The following ITIH5 variants were observed in gnomAD, a reference collection of about 807,000 sequenced individuals.
The protein encoded by ITIH5 is inter-alpha-trypsin inhibitor heavy chain H5.
ITIH5 carries 65 observed loss-of-function variants against 77.5 expected under a neutral mutation model. That is an observed-to-expected ratio of 0.84 (90% CI 0.69 to 1.03). The LOEUF is 1.03. ITIH5 is among the 50% of genes least tolerant of loss of function. The probability of loss-of-function intolerance (pLI) is 0.00; values close to 1 mark genes in which losing one functional copy is unlikely to be tolerated. For synonymous variants in ITIH5, 525 were observed against 494.3 expected (o/e 1.06, Z -0.82); for missense variants, 1,208 against 1,213.1 (o/e 1.00, Z 0.06).
chr10:7,609,153 A>T (rs1401801636), intron 7 of ITIH5, among the ~76,000 whole-genome samples: 1 of 152,214 alleles, frequency 6.6e-6, no homozygotes, highest in Non-Finnish European at 1.5e-5. Context: ...TCCCATGCAT[A>T]AAATAGGGAG....
chr10:7,591,726 A>G (rs1414903813), intron 7 of ITIH5, among the ~76,000 whole-genome samples: 1 of 151,746 alleles, frequency 6.6e-6, no homozygotes, highest in Non-Finnish European at 1.5e-5. Context: ...AGCCCTGCCC[A>G]CCATTCCCCA....
rs190782590 is a variant in ITIH5, at chr10:7,623,526, G to T, written c.653-6244C>A. Among the ~76,000 whole-genome samples, 401 of 152,080 alleles carry T rather than the reference G, an allele frequency of 2.6e-3. 1 individual carries two copies. Among genetic ancestry groups the T allele is most frequent in the African/African-American group, 8.9e-3 (371 of 41,512 alleles). ...TTTGGTTAAATACCTTCATAAGGCC[G>T]GGCGTGGTGGCTCACGCCTGTAATC... On this transcript the variant is annotated intron_variant, in intron 5 of 13. Coordinates refer to ENST00000397146, the MANE Select transcript of ITIH5 (RefSeq NM_030569.7).
At chr10:7,615,952 G>T in intron 7 of ITIH5, 30 bp downstream of exon 7, 1 of 1,312,286 alleles carries the variant, frequency 7.6e-7, no homozygotes, top group South Asian at 1.2e-5. Flanking sequence ...AAGCGAGAGA[G>T]GAATAAATGG....
At chr10:7,621,800 C>T (rs1171615177) in intron 5 of ITIH5, 1 of 152,132 alleles carries the variant, frequency 6.6e-6, no homozygotes, top group Non-Finnish European at 1.5e-5. Context: ...TGAATGGGGG[C>T]TCACCCTGCT....
chr10:7,576,205 T>C (rs1338084139), intron 10 of ITIH5, among the ~76,000 whole-genome samples: 1 of 152,136 alleles, frequency 6.6e-6, no homozygotes, highest in Non-Finnish European at 1.5e-5. Flanking sequence ...TTTTTTTTCT[T>C]TTGTAGAGAC....
In ITIH5 at chr10:7,597,044, C is replaced by CAAAAAAA. The variant is rs71383924; in HGVS notation, c.940-10982_940-10976dup. 2.8e-3 allele frequency among the ~76,000 whole-genome samples: 104 copies of CAAAAAAA among 36,894 alleles called. 7 individuals are homozygous for CAAAAAAA. Among genetic ancestry groups the CAAAAAAA allele is most frequent in the Non-Finnish European group, 4.5e-3 (71 of 15,932 alleles). The allele number at this position is 36,894 out of a possible 152,430, so 24.2% of individuals were successfully genotyped here. A position where few individuals can be genotyped will look rare whatever the true frequency, so the allele number is the denominator to read the frequency against. On this transcript the variant is annotated intron_variant, in intron 7 of 13. Coordinates refer to ENST00000397146, the MANE Select transcript of ITIH5 (RefSeq NM_030569.7). ...CTGGGTGCAGAGTGAGTCTCCAACT[C>CAAAAAAA]AAAAAAAAAAAAAAAAAAAATTCCA...
chr10:7,626,675 G>A (rs915333190), intron 5 of ITIH5, among the ~76,000 whole-genome samples: 5 of 152,178 alleles, frequency 3.3e-5, no homozygotes, highest in Admixed American at 1.3e-4. Context: ...GCCTGGTTAC[G>A]TTTGAATTTC....
Position 7,617,206 on chromosome 10 carries a change from T to TA in ITIH5, c.728dup (p.Val244SerfsTer18). The TA allele has an allele frequency of 6.2e-7, 1 of 1,604,168 alleles. No homozygotes were observed. The highest frequency in any genetic ancestry group is 1.1e-5 in the South Asian group (1 of 88,918). ...TCTGGGCAATCCTGGCTTGTTGTAC[T>TA]ACAGTAGGTTTAAAAATTATGTTGG... On this transcript the variant is annotated frameshift_variant, in exon 6 of 14. Transcript: ENST00000397146. LOFTEE classifies it high-confidence loss of function.
rs1832148554 is a variant in ITIH5, at chr10:7,566,055, A to C, written c.2502T>G (p.Leu834=). Residue 834 remains leucine, a synonymous_variant, in exon 13 of 14, where the codon CTT becomes CTG. Coordinates refer to ENST00000397146, the MANE Select transcript of ITIH5 (RefSeq NM_030569.7). ...LGFYIANSEG[L]SSNCHGLLGQ... is the part of the protein sequence containing the mutation. Reference sequence around the variant, plus strand: ...CCAGCAGTCCGTGGCAGTTGCTGGAAAGGCCCTCGCTGTTGGCAATGTAGA... The same window carrying C: ...CCAGCAGTCCGTGGCAGTTGCTGGACAGGCCCTCGCTGTTGGCAATGTAGA... 1.2e-6 allele frequency: 2 copies of C among 1,614,064 alleles called. No individual in the cohort carries two copies. The highest frequency in any genetic ancestry group is 1.7e-6 in the Non-Finnish European group (2 of 1,179,988).
chr10:7,657,664 A>C (rs1488942848), intron 1 of ITIH5, among the ~76,000 whole-genome samples: 2 of 152,228 alleles, frequency 1.3e-5, no homozygotes, highest in African/African-American at 4.8e-5. Flanking sequence ...CATTCATTTT[A>C]CTGGACTTCG....
intron 8 of ITIH5, 26 bp downstream of exon 8, chr10:7,585,875 A>C (rs753310378): frequency 1.9e-6 from 3 of 1,557,996 alleles, no homozygotes; most frequent in Non-Finnish European, 2.6e-6. Context: ...AGCCAAGCCA[A>C]TGTGAAAAGA....
At chr10:7,590,706 T>C (rs1832775759) in intron 7 of ITIH5, among the ~76,000 whole-genome samples, 1 of 152,210 alleles carries the variant, frequency 6.6e-6, no homozygotes, top group Non-Finnish European at 1.5e-5. Context: ...GGGAAGCTCA[T>C]TATCCCCACG....
At chr10:7,596,368 G>C (rs759688053) in intron 7 of ITIH5, among the ~76,000 whole-genome samples, 4 of 152,182 alleles carry the variant, frequency 2.6e-5, no homozygotes, top group Non-Finnish European at 5.9e-5. Flanking sequence ...CCTCAGAGGG[G>C]AAGTCAAGGG....
intron 13 of ITIH5, among the ~76,000 whole-genome samples, chr10:7,565,727 TATAG>T (rs1264726835): frequency 1.4e-4 from 21 of 148,994 alleles, no homozygotes; most frequent in African/African-American, 4.9e-4. Flanking sequence ...TATGTATTTA[TATAG>T]AGAGACTATA....
intron 7 of ITIH5, among the ~76,000 whole-genome samples, chr10:7,600,129 T>G (rs1388401294): frequency 6.6e-6 from 1 of 152,182 alleles, no homozygotes; most frequent in Admixed American, 6.5e-5. Context: ...TCACATCTCT[T>G]CCTACTCTGT....
rs530841613 is a variant in ITIH5 at position 7,567,571 on chromosome 10, G to A, written c.2150-1164C>T. The stretch of plus-strand genomic sequence containing the variant: ...TTCTCATTGTTCAATTCCCACCTAT[G>A]AGTGAGAACATGCGGTGTTTGGTTT... On this transcript the variant is annotated intron_variant, in intron 12 of 13. Transcript: ENST00000397146. 3.9e-4 allele frequency among the ~76,000 whole-genome samples: 59 copies of A among 150,780 alleles called. No homozygotes were observed. The Middle Eastern group carries it at 0.01, about 26-fold the overall frequency.
At chr10:7,644,941 TATATATATATCA>T (rs1564278584) in intron 2 of ITIH5, among the ~76,000 whole-genome samples, 217 of 12,158 alleles carry the variant, frequency 0.018, 3 homozygotes, top group African/African-American at 0.043. Flanking sequence ...ATATATCACA[TATATATATATCA>T]CACATATATA....
chr10:7,582,064 G>C (rs1051046242), intron 8 of ITIH5, among the ~76,000 whole-genome samples: 1 of 151,422 alleles, frequency 6.6e-6, no homozygotes, highest in Non-Finnish European at 1.5e-5. Context: ...TTTTAGTAGA[G>C]ACGGGTTTCA....
chr10:7,625,391 T>C (rs1588409452), intron 5 of ITIH5, among the ~76,000 whole-genome samples: 2 of 152,012 alleles, frequency 1.3e-5, no homozygotes, highest in East Asian at 1.9e-4. Flanking sequence ...GGGTACAAAG[T>C]TTCAGTTTGG....
Sources: gnomAD v4.1 joint callset for allele counts (sites outside exome capture counted in the v4.1 genomes callset) on GRCh38, gnomAD v4.1.1 for gene constraint, MANE v1.5 for transcripts, NCBI Gene and HGNC (gene_info 2026-07-23, HGNC 2026-07-21) for gene names.